Variants in CRIM1 observed in about 807,000 individuals in gnomAD.
CRIM1 encodes the protein cysteine-rich motor neuron 1 protein.
Under a neutral mutation model 116.4 loss-of-function variants are expected in CRIM1, and 32 were observed. The observed-to-expected ratio is 0.27, with a 90% CI of 0.21 to 0.37. CRIM1 has a LOEUF of 0.37. CRIM1 is among the 10% of genes least tolerant of loss of function. The pLI, the probability that CRIM1 is intolerant of heterozygous loss-of-function variation, is 1.00. For synonymous variants in CRIM1, 590 were observed against 509.2 expected (o/e 1.16, Z -2.13); for missense variants, 1,331 against 1,354.8 (o/e 0.98, Z 0.28).
intron 1 of CRIM1, among the ~76,000 whole-genome samples, chr2:36,372,809 AC>A (rs1228141739): frequency 6.6e-6 from 1 of 152,192 alleles, no homozygotes; most frequent in East Asian, 1.9e-4. Flanking sequence ...ATCACCAGTT[AC>A]AAAAGTTTTA....
intron 1 of CRIM1, among the ~76,000 whole-genome samples, chr2:36,366,806 ACTT>A (rs1442393150): frequency 4.6e-5 from 7 of 152,216 alleles, no homozygotes; most frequent in African/African-American, 1.7e-4. Context: ...GAATTGTGAT[ACTT>A]CTTTTTAAGA....
chr2:36,526,295 A>G (rs1418590537), intron 13 of CRIM1, among the ~76,000 whole-genome samples: 1 of 152,228 alleles, frequency 6.6e-6, no homozygotes, highest in Non-Finnish European at 1.5e-5. Flanking sequence ...AAAGTTGACA[A>G]GTATGACGCA....
rs77778781 is a variant in CRIM1, at chr2:36,406,622, T to TC, written c.505+9846dup. Among the ~76,000 whole-genome samples, 744 of 105,894 alleles carry TC rather than the reference T, an allele frequency of 7.0e-3. 2 individuals are homozygous for TC. The highest frequency in any genetic ancestry group is 9.9e-3 in the Non-Finnish European group (514 of 52,174). The allele number at this position is 105,894 out of a possible 152,430, so 69.5% of individuals were successfully genotyped here. A position where few individuals can be genotyped will look rare whatever the true frequency, so the allele number is the denominator to read the frequency against. On this transcript the variant is annotated intron_variant, in intron 2 of 16. Coordinates refer to ENST00000280527, the MANE Select transcript of CRIM1 (RefSeq NM_016441.3). The stretch of plus-strand genomic sequence containing the variant: ...TTTAACTCTGCTAATATTTGACCCC[T>TC]CCCCCCCCCCCAAAAAAAAACAAAA...
intron 2 of CRIM1, among the ~76,000 whole-genome samples, chr2:36,428,495 A>G (rs1674628974): frequency 1.3e-5 from 2 of 152,252 alleles, no homozygotes; most frequent in Non-Finnish European, 2.9e-5. Flanking sequence ...AGAATACTGT[A>G]GAAGAAGCCT....
chr2:36,390,339 G>A (rs925698925), intron 1 of CRIM1, among the ~76,000 whole-genome samples: 1 of 152,194 alleles, frequency 6.6e-6, no homozygotes, highest in African/African-American at 2.4e-5. Flanking sequence ...GTGTATAGAG[G>A]ATAAATGCAA....
chr2:36,434,356 C>T (rs1346725780), intron 2 of CRIM1, among the ~76,000 whole-genome samples: 2 of 152,120 alleles, frequency 1.3e-5, no homozygotes, highest in Non-Finnish European at 2.9e-5. Context: ...TGTATTTAAG[C>T]AAAAATGTAG....
rs527883135 is a variant in CRIM1, at chr2:36,512,484, G to A, written c.1780+90G>A. The stretch of plus-strand genomic sequence containing the variant: ...GGACACCCTGTAATGAAATGGTTTC[G>A]GTGGTTGCTGCCTATTCTAACACAA... On this transcript the variant is annotated intron_variant, in intron 10 of 16. Coordinates refer to ENST00000280527, the MANE Select transcript of CRIM1 (RefSeq NM_016441.3). The A allele has an allele frequency of 3.7e-5, 51 of 1,391,548 alleles. No individual in the cohort carries two copies. In the African/African-American group the frequency reaches 4.0e-4, roughly 11 times the overall value. 86.2% of individuals were successfully genotyped at this position (1,391,548 alleles called of 1,614,324 possible).
chr2:36,533,889 C>A (rs1172988993), intron 13 of CRIM1, among the ~76,000 whole-genome samples: 1 of 148,588 alleles, frequency 6.7e-6, no homozygotes, highest in Non-Finnish European at 1.5e-5. Flanking sequence ...TTCTTCCCAT[C>A]ATTATTCTCG....
At chr2:36,546,311 TTAAAAGAACA>T (rs1468014530) in intron 15 of CRIM1, among the ~76,000 whole-genome samples, 17 of 152,136 alleles carry the variant, frequency 1.1e-4, no homozygotes, top group South Asian at 6.2e-4. Context: ...GAGAGATATT[TTAAAAGAACA>T]TAAAGGTCAT....
intron 4 of CRIM1, among the ~76,000 whole-genome samples, chr2:36,458,770 AAT>A (rs1677345851): frequency 2.0e-5 from 3 of 152,120 alleles, no homozygotes; most frequent in African/African-American, 7.2e-5. Flanking sequence ...CAGTGACGGG[AAT>A]GGGAATGGCA....
At chr2:36,448,591 G>C (rs907863592) in intron 4 of CRIM1, among the ~76,000 whole-genome samples, 5 of 152,044 alleles carry the variant, frequency 3.3e-5, no homozygotes, top group African/African-American at 1.2e-4. Context: ...TTCACTGTAA[G>C]TCACGAGTTT....
At chr2:36,503,775 A>G (rs1244766486) in intron 8 of CRIM1, among the ~76,000 whole-genome samples, 1 of 152,058 alleles carries the variant, frequency 6.6e-6, no homozygotes, top group African/African-American at 2.4e-5. Flanking sequence ...TCACCCTTAC[A>G]TTATTTTTCT....
chr2:36,530,665 T>A (rs1666052773), intron 13 of CRIM1, among the ~76,000 whole-genome samples: 1 of 152,218 alleles, frequency 6.6e-6, no homozygotes, highest in South Asian at 2.1e-4. Flanking sequence ...TCATTGGTAA[T>A]ACTTGGCTGC....
intron 13 of CRIM1, among the ~76,000 whole-genome samples, chr2:36,528,340 T>C (rs1186530063): frequency 2.0e-5 from 3 of 152,234 alleles, no homozygotes; most frequent in South Asian, 2.1e-4. Context: ...AAAAAGCCCA[T>C]GTCACTTTGG....
rs760963987 is a variant in CRIM1 at position 36,441,523 on chromosome 2, C to A, written c.748+23C>A. The A allele has an allele frequency of 7.5e-6, 12 of 1,601,516 alleles. No homozygotes were observed. The East Asian group carries it at 1.1e-4, about 15-fold the overall frequency. On this transcript the variant is annotated intron_variant, in intron 3 of 16. Coordinates refer to ENST00000280527, the MANE Select transcript of CRIM1 (RefSeq NM_016441.3). ...CAGGTATGCACGAGCTCTGTCTCAG[C>A]AGCCTTGTTCCTTTGCATCAGAGGG...
rs1572895925 is a variant in CRIM1, at chr2:36,509,882, G to A, written c.1502-101G>A. 3 of 1,020,300 alleles carry A rather than the reference G, an allele frequency of 2.9e-6. No individual in the cohort carries two copies. In the East Asian group the frequency reaches 7.2e-5, roughly 25 times the overall value. 63.2% of individuals were successfully genotyped at this position (1,020,300 alleles called of 1,614,324 possible). On this transcript the variant is annotated intron_variant, in intron 8 of 16. Coordinates refer to ENST00000280527, the MANE Select transcript of CRIM1 (RefSeq NM_016441.3). The stretch of plus-strand genomic sequence containing the variant: ...TGCCATGGTAGAGCTGAGAAATTGA[G>A]ATCTGTGGAAGAGTGGAGGATTCAG...
At chr2:36,392,588 G>A (rs930732347) in intron 1 of CRIM1, among the ~76,000 whole-genome samples, 7 of 152,150 alleles carry the variant, frequency 4.6e-5, no homozygotes, top group Non-Finnish European at 1.0e-4. Flanking sequence ...GCTGTTAGCA[G>A]AACTCTTGGG....
chr2:36,448,281 G>A (rs1160913213), intron 4 of CRIM1, among the ~76,000 whole-genome samples: 1 of 152,246 alleles, frequency 6.6e-6, no homozygotes, highest in African/African-American at 2.4e-5. Context: ...ATTCACCAGA[G>A]GCAGATGCAT....
In CRIM1 at chr2:36,547,076, A is replaced by T. The variant is rs562995918; in HGVS notation, c.2839A>T (p.Ile947Leu). 1 of 1,612,170 alleles carries T rather than the reference A, an allele frequency of 6.2e-7. No individual in the cohort carries two copies. Among genetic ancestry groups the T allele is most frequent in the African/African-American group, 1.3e-5 (1 of 74,978 alleles). Residue 947 changes from isoleucine to leucine, a missense_variant, in exon 16 of 17, where the codon ATA becomes TTA. Ile to Leu is a conservative substitution (Grantham distance 5). Coordinates refer to ENST00000280527, the MANE Select transcript of CRIM1 (RefSeq NM_016441.3). Reference sequence around the variant, plus strand: ...CTCCATTGCCTCAGTTGTGGTTCCCATAATTATATGCCTCTCTATTATAAT... The same window carrying T: ...CTCCATTGCCTCAGTTGTGGTTCCCTTAATTATATGCCTCTCTATTATAAT... ...LDSIASVVVPIIICLSIIIAF... is the reference protein window; with the variant it reads ...LDSIASVVVPLIICLSIIIAF...
Sources: gnomAD v4.1 joint callset for allele counts (sites outside exome capture counted in the v4.1 genomes callset) on GRCh38, gnomAD v4.1.1 for gene constraint, MANE v1.5 for transcripts, NCBI Gene and HGNC (gene_info 2026-07-23, HGNC 2026-07-21) for gene names.